Variants in CARHSP1 observed in about 807,000 individuals in gnomAD.
CARHSP1 encodes the protein calcium-regulated heat-stable protein 1.
Under a neutral mutation model 12.5 loss-of-function variants are expected in CARHSP1, and 14 were observed. The ratio of observed to expected loss-of-function variants is 1.12; its 90% confidence interval spans 0.74 to 1.75. The LOEUF is 1.75. Among genes scored for constraint, CARHSP1 ranks in the 40% most tolerant of loss-of-function variants. The pLI is 0.00. For synonymous variants in CARHSP1, 161 were observed against 82.0 expected (o/e 1.96, Z -5.20); for missense variants, 343 against 201.6 (o/e 1.70, Z -4.25).
At chr16:8,857,306 G>C in intron 3 of CARHSP1, among the ~76,000 whole-genome samples, 1 of 51,156 alleles carries the variant, frequency 2.0e-5, no homozygotes, top group Non-Finnish European at 3.8e-5. Context: ...TTTTGAGATG[G>C]AGTTTTGCTC....
At chr16:8,858,101 C>T (rs138458502) in intron 3 of CARHSP1, 159 of 535,274 alleles carry the variant, frequency 3.0e-4, no homozygotes, top group African/African-American at 2.8e-3. Context: ...AAGACACACC[C>T]AGGGACAATC....
chr16:8,860,152 A>C (rs1012083548), intron 1 of CARHSP1: 5 of 985,408 alleles, frequency 5.1e-6, no homozygotes, highest in Non-Finnish European at 6.0e-6. Flanking sequence ...CGTCGCAGAG[A>C]GCTCAAGCGC....
rs1048508927 is a variant in CARHSP1 at position 8,853,260 on chromosome 16, G to T, written c.*1904C>A. The T allele has an allele frequency of 6.6e-6, 1 of 152,114 alleles. No homozygotes were observed. The highest frequency in any genetic ancestry group is 1.5e-5 in the Non-Finnish European group (1 of 68,062). 9.4% of individuals were successfully genotyped at this position (152,114 alleles called of 1,614,324 possible). ...GGCTTGGGGCAGTGAAAGCCCTCTC[G>T]GGTCTTGGCTGTGGAAGTGTGGACT... On this transcript the variant is annotated 3_prime_UTR_variant, in exon 4 of 4. Transcript: ENST00000311052.
intron 1 of CARHSP1, chr16:8,860,541 GTCCTTTCCCA>G: frequency 1.0e-6 from 1 of 985,360 alleles, no homozygotes; most frequent in Non-Finnish European, 1.2e-6. Flanking sequence ...CCTTGGGTAA[GTCCTTTCCCA>G]TCTCTGGGCT....
At chr16:8,857,443 CCG>C (rs1304731429) in intron 3 of CARHSP1, 21 of 87,108 alleles carry the variant, frequency 2.4e-4, no homozygotes, top group African/African-American at 9.0e-4. Flanking sequence ...CCATCATTCC[CCG>C]CTTTTTTTTT....
intron 1 of CARHSP1, chr16:8,861,774 G>A (rs371843500): frequency 2.0e-5 from 25 of 1,274,682 alleles, no homozygotes; most frequent in African/African-American, 7.7e-5. Flanking sequence ...CAGGGCCCCC[G>A]CATGACCTAC....
chr16:8,857,196 C>G (rs1338651141), intron 3 of CARHSP1, among the ~76,000 whole-genome samples: 2 of 150,184 alleles, frequency 1.3e-5, no homozygotes, highest in Non-Finnish European at 3.0e-5. Flanking sequence ...CTGTCTCCCA[C>G]AAGCATAGTC....
intron 1 of CARHSP1, among the ~76,000 whole-genome samples, chr16:8,863,234 A>G (rs893125959): frequency 2.9e-5 from 4 of 137,048 alleles, no homozygotes; most frequent in African/African-American, 1.1e-4. Flanking sequence ...TGATCCGCCC[A>G]CCCCAGCCTC....
At chr16:8,863,718 C>T (rs917017570) in intron 1 of CARHSP1, among the ~76,000 whole-genome samples, 2 of 152,144 alleles carry the variant, frequency 1.3e-5, no homozygotes, top group Non-Finnish European at 2.9e-5. Context: ...GAGTGAATGG[C>T]CTCAGTGCGG....
At chr16:8,864,949 C>T (rs569751024) in intron 1 of CARHSP1, among the ~76,000 whole-genome samples, 3 of 152,164 alleles carry the variant, frequency 2.0e-5, no homozygotes, top group South Asian at 2.1e-4. Context: ...AATCATGCAG[C>T]CCCCATTACC....
At chr16:8,861,912 A>G in intron 1 of CARHSP1, 2 of 668,424 alleles carry the variant, frequency 3.0e-6, no homozygotes, top group Non-Finnish European at 4.1e-6. Context: ...TCGCAACTCC[A>G]CAGTTAGAGA....
chr16:8,864,080 GT>G (rs1396537134), intron 1 of CARHSP1, among the ~76,000 whole-genome samples: 5 of 152,344 alleles, frequency 3.3e-5, no homozygotes, highest in Non-Finnish European at 5.9e-5. Context: ...TCGACCAAAT[GT>G]CACGACCAAG....
chr16:8,864,397 T>A (rs1413164546), intron 1 of CARHSP1, among the ~76,000 whole-genome samples: 2 of 151,780 alleles, frequency 1.3e-5, no homozygotes, highest in East Asian at 3.9e-4. Context: ...GATAAGGGAG[T>A]GGGACAGACC....
At position 8,854,411 on chromosome 16, in the gene CARHSP1, G is replaced by C. The variant is rs371648750; in HGVS notation, c.*753C>G. The C allele has an allele frequency of 6.6e-6, 1 of 151,692 alleles. No individual in the cohort carries two copies. The highest frequency in any genetic ancestry group is 2.1e-4 in the South Asian group (1 of 4,756). 9.4% of individuals were successfully genotyped at this position (151,692 alleles called of 1,614,324 possible). ...TTACAGGGGCTGTGAAATGGCTGTTGAGTGATGGTCACACAACCAGAAGGC... is the reference window on the plus strand; with the variant it reads ...TTACAGGGGCTGTGAAATGGCTGTTCAGTGATGGTCACACAACCAGAAGGC... On this transcript the variant is annotated 3_prime_UTR_variant, in exon 4 of 4. Coordinates refer to ENST00000311052, the MANE Select transcript of CARHSP1 (RefSeq NM_014316.4).
Position 8,855,986 on chromosome 16 carries a change from T to C in CARHSP1, c.282-660A>G, listed in dbSNP as rs559041351. On this transcript the variant is annotated intron_variant, in intron 3 of 3. Transcript: ENST00000311052. ...ACCACAGCCAGCTAATTTTTGTATT[T>C]TTAGCAAAGTCAGGGTTTCACCATG... is the stretch of plus-strand genomic sequence containing the variant. 8.3e-5 allele frequency among the ~76,000 whole-genome samples: 12 copies of C among 144,264 alleles called. No individual in the cohort carries two copies. The South Asian group carries it at 2.2e-3, about 26-fold the overall frequency. 94.6% of individuals were successfully genotyped at this position (144,264 alleles called of 152,430 possible).
chr16:8,857,277 T>TTTTTTTTTTTTTTG (rs2061159232), intron 3 of CARHSP1, among the ~76,000 whole-genome samples: 1 of 65,906 alleles, frequency 1.5e-5, no homozygotes, highest in Non-Finnish European at 2.7e-5. Flanking sequence ...TTTTTTTTTT[T>TTTTTTTTTTTTTTG]TTTTTTTTTT....
Position 8,853,252 on chromosome 16 carries a change from G to C in CARHSP1, c.*1912C>G, listed in dbSNP as rs937637075. 4 of 152,172 alleles carry C rather than the reference G, an allele frequency of 2.6e-5. No homozygotes were observed. Among genetic ancestry groups the C allele is most frequent in the Non-Finnish European group, 5.9e-5 (4 of 68,086 alleles). The allele number at this position is 152,172 out of a possible 1,614,324, so 9.4% of individuals were successfully genotyped here. A position where few individuals can be genotyped will look rare whatever the true frequency, so the allele number is the denominator to read the frequency against. ...AGGAGAGAGGCTTGGGGCAGTGAAA[G>C]CCCTCTCGGGTCTTGGCTGTGGAAG... is the stretch of plus-strand genomic sequence containing the variant. On this transcript the variant is annotated 3_prime_UTR_variant, in exon 4 of 4. Coordinates refer to ENST00000311052, the MANE Select transcript of CARHSP1 (RefSeq NM_014316.4).
chr16:8,864,165 ATGTG>A (rs753707497), intron 1 of CARHSP1, among the ~76,000 whole-genome samples: 3 of 152,198 alleles, frequency 2.0e-5, no homozygotes, highest in African/African-American at 4.8e-5. Flanking sequence ...GCACATGTGT[ATGTG>A]TGTGCTGTGT....
At chr16:8,858,274 A>T in intron 3 of CARHSP1, 76 bp downstream of exon 3, 2 of 1,551,396 alleles carry the variant, frequency 1.3e-6, no homozygotes, top group Non-Finnish European at 1.7e-6. Flanking sequence ...CATCAGAGTC[A>T]CACACCATCC....
Sources: gnomAD v4.1 joint callset for allele counts (sites outside exome capture counted in the v4.1 genomes callset) on GRCh38, gnomAD v4.1.1 for gene constraint, MANE v1.5 for transcripts, NCBI Gene and HGNC (gene_info 2026-07-23, HGNC 2026-07-21) for gene names.